XRCC6: variants seen among roughly 807,000 people sequenced by gnomAD.
XRCC6 encodes X-ray repair cross complementing 6.
XRCC6 carries 5 observed loss-of-function variants against 65.7 expected under a neutral mutation model. The ratio of observed to expected loss-of-function variants is 0.08; its 90% CI spans 0.04 to 0.16. The LOEUF is 0.16. Ranked by LOEUF, XRCC6 falls within the 10% of genes least tolerant of loss-of-function variation. The pLI, the probability that XRCC6 is intolerant of heterozygous loss-of-function variation, is 1.00. For synonymous variants in XRCC6, 270 were observed against 270.6 expected (o/e 1.00, Z 0.02); for missense variants, 447 against 738.1 (o/e 0.61, Z 4.57).
At chr22:41,638,876 T>G (rs1412571223) in intron 6 of XRCC6, among the ~76,000 whole-genome samples, 1 of 151,574 alleles carries the variant, frequency 6.6e-6, no homozygotes, top group African/African-American at 2.4e-5. Context: ...TAGAAGTGGC[T>G]CTGAGTGAGT....
intron 6 of XRCC6, among the ~76,000 whole-genome samples, chr22:41,644,054 G>A (rs2067905885): frequency 6.6e-6 from 1 of 151,918 alleles, no homozygotes; most frequent in Non-Finnish European, 1.5e-5. Context: ...GGCTGAGGCA[G>A]GAGAATCTCT....
intron 3 of XRCC6, among the ~76,000 whole-genome samples, chr22:41,631,084 G>T (rs2067739847): frequency 7.8e-6 from 1 of 128,876 alleles, no homozygotes; most frequent in African/African-American, 4.9e-5. Flanking sequence ...TGCTGGCCGG[G>T]TGGGGGGATG....
intron 3 of XRCC6, among the ~76,000 whole-genome samples, chr22:41,633,045 T>C (rs1262007496): frequency 6.6e-6 from 1 of 152,036 alleles, no homozygotes; most frequent in Non-Finnish European, 1.5e-5. Flanking sequence ...GAGAATCGCT[T>C]GCACCTGGGA....
At chr22:41,631,532 G>C (rs2067750648) in intron 3 of XRCC6, among the ~76,000 whole-genome samples, 1 of 144,246 alleles carries the variant, frequency 6.9e-6, no homozygotes, top group South Asian at 2.2e-4. Flanking sequence ...CCCAGACGGG[G>C]CGGCGGGGCA....
intron 3 of XRCC6, among the ~76,000 whole-genome samples, chr22:41,634,186 A>ATTTT (rs757276375): frequency 7.1e-6 from 1 of 140,438 alleles, no homozygotes; most frequent in Non-Finnish European, 1.6e-5. Context: ...CCAAAACTTA[A>ATTTT]TTTTTTTTTT....
At position 41,663,630 on chromosome 22, in the gene XRCC6, G is replaced by T; in HGVS notation, c.1645G>T (p.Gly549Cys). 6.2e-7 allele frequency: 1 copy of T among 1,612,068 alleles called. No individual in the cohort carries two copies. Among genetic ancestry groups the T allele is most frequent in the Non-Finnish European group, 8.5e-7 (1 of 1,178,338 alleles). The part of the protein sequence containing the change: ...KVTKRKHDNE[G>C]SGSKRPKVEY... ...CTGACCTTTCCCCCCAGATAATGAA[G>T]GTTCTGGAAGCAAAAGGCCCAAGGT... Residue 549 changes from glycine to cysteine, a missense_variant, in exon 13 of 13, where the codon GGT becomes TGT. Coordinates refer to ENST00000360079, the MANE Select transcript of XRCC6 (RefSeq NM_001469.5).
intron 12 of XRCC6, among the ~76,000 whole-genome samples, chr22:41,662,481 TACTC>T (rs1202079570): frequency 3.3e-5 from 5 of 152,232 alleles, no homozygotes; most frequent in African/African-American, 1.2e-4. Flanking sequence ...CTATTTTTGT[TACTC>T]AGCTATATAT....
intron 1 of XRCC6, 178 bp from the exon 2 acceptor site, chr22:41,621,812 G>T: frequency 5.1e-6 from 3 of 593,376 alleles, no homozygotes; most frequent in Non-Finnish European, 3.0e-6. Context: ...CAGCTACTGG[G>T]ATGGCCCCCA....
At chr22:41,639,329 C>CTTTTTTGTTTTTTTTTTTT (rs2067847422) in intron 6 of XRCC6, among the ~76,000 whole-genome samples, 1 of 64,560 alleles carries the variant, frequency 1.5e-5, no homozygotes, top group Non-Finnish European at 2.7e-5. Flanking sequence ...GATTCTTTTT[C>CTTTTTTGTTTTTTTTTTTT]TTTTTTTTTT....
At chr22:41,649,780 C>G (rs12167973) in intron 7 of XRCC6, among the ~76,000 whole-genome samples, 2 of 151,132 alleles carry the variant, frequency 1.3e-5, no homozygotes, top group African/African-American at 4.9e-5. Context: ...GCGTGAACCC[C>G]GGTGGGTGGA....
intron 2 of XRCC6, among the ~76,000 whole-genome samples, chr22:41,626,381 T>C (rs1757629798): frequency 6.6e-6 from 1 of 152,210 alleles, no homozygotes; most frequent in Admixed American, 6.5e-5. Flanking sequence ...GTCCTCGTGA[T>C]CCACATGCCT....
chr22:41,660,033 G>A (rs1284385106), intron 11 of XRCC6, among the ~76,000 whole-genome samples: 1 of 152,234 alleles, frequency 6.6e-6, no homozygotes, highest in Non-Finnish European at 1.5e-5. Context: ...TTGGGAGCCA[G>A]TGCTCTTGCA....
intron 3 of XRCC6, among the ~76,000 whole-genome samples, chr22:41,630,196 A>G (rs2067724830): frequency 6.6e-6 from 1 of 151,310 alleles, no homozygotes; most frequent in Admixed American, 6.6e-5. Context: ...ATTGGCCAGG[A>G]TGGTCTTGGA....
At chr22:41,649,139 A>AT (rs1555906701) in intron 7 of XRCC6, among the ~76,000 whole-genome samples, 2,356 of 88,578 alleles carry the variant, frequency 0.027, 81 homozygotes, top group East Asian at 0.19. Context: ...AAAAAAAAAA[A>AT]ATATATATAT....
chr22:41,657,490 T>A (rs1367876997), intron 10 of XRCC6, among the ~76,000 whole-genome samples: 1 of 138,244 alleles, frequency 7.2e-6, no homozygotes, highest in Non-Finnish European at 1.5e-5. Flanking sequence ...TTTTTAAAAA[T>A]TTATTATTAT....
At chr22:41,649,139 A>AATATATATATATATGTAT (rs1555906702) in intron 7 of XRCC6, among the ~76,000 whole-genome samples, 1 of 88,736 alleles carries the variant, frequency 1.1e-5, no homozygotes. Flanking sequence ...AAAAAAAAAA[A>AATATATATATATATGTAT]ATATATATAT....
chr22:41,650,891 G>T lies in XRCC6; in HGVS notation c.1129G>T (p.Gly377Trp). The T allele has an allele frequency of 6.2e-7, 1 of 1,614,092 alleles. No individual in the cohort carries two copies. The highest frequency in any genetic ancestry group is 8.5e-7 in the Non-Finnish European group (1 of 1,179,984). ...GTACCCAGAGGAGTCGCTGGTGATTGGTAAGTAGCGTGGACCATGGATGAG... is the reference window on the plus strand; with the variant it reads ...GTACCCAGAGGAGTCGCTGGTGATTTGTAAGTAGCGTGGACCATGGATGAG... ...FVYPEESLVI[G>W]SSTLFSALLI... The change falls in exon 8 of 13, where the codon GGG becomes TGG. Residue 377 changes from glycine to tryptophan, a missense_variant and splice_region_variant. Gly to Trp is a radical substitution (Grantham distance 184, BLOSUM62 -2). Coordinates refer to ENST00000360079, the MANE Select transcript of XRCC6 (RefSeq NM_001469.5).
Position 41,636,750 on chromosome 22 carries a change from C to A in XRCC6, c.569C>A (p.Ala190Asp). ...AAAGCCAGCCGGGCCAGGACCAAAGCCGGTGATCTCCGAGATACAGGTGGG... is the reference window on the plus strand; with the variant it reads ...AAAGCCAGCCGGGCCAGGACCAAAGACGGTGATCTCCGAGATACAGGTGGG... ...SAKASRARTK[A>D]GDLRDTGIFL... Residue 190 changes from alanine (A) to aspartate (D), a missense_variant, in exon 5 of 13, where the codon GCC (alanine) becomes GAC (aspartate). Ala to Asp is a moderately radical substitution (Grantham distance 126). This residue lies in a region of XRCC6 where 228 missense variants were observed against 307.4 expected (regional missense o/e 0.74). Transcript: ENST00000360079. 1 of 1,614,130 alleles carries A rather than the reference C, an allele frequency of 6.2e-7. No homozygotes were observed. The highest frequency in any genetic ancestry group is 8.5e-7 in the Non-Finnish European group (1 of 1,180,022).
At chr22:41,631,782 G>T (rs932812424) in intron 3 of XRCC6, among the ~76,000 whole-genome samples, 9 of 151,854 alleles carry the variant, frequency 5.9e-5, no homozygotes, top group Admixed American at 5.2e-4. Context: ...CAGGCGGCTG[G>T]GAGGTGGAGG....
Sources: gnomAD v4.1 joint callset for allele counts (sites outside exome capture counted in the v4.1 genomes callset) on GRCh38, gnomAD v4.1.1 for gene constraint, gnomAD v4.1.1 regional missense constraint, MANE v1.5 for transcripts, NCBI Gene and HGNC (gene_info 2026-07-23, HGNC 2026-07-21) for gene names.